ASB15: variants seen among roughly 807,000 people sequenced by gnomAD.
ASB15 encodes ankyrin repeat and SOCS box containing 15.
In ASB15, 54 loss-of-function variants were observed where a neutral mutation model predicts 58.0. That is an observed-to-expected ratio of 0.93 (90% CI 0.75 to 1.17). The LOEUF (loss-of-function observed/expected upper bound fraction) is 1.17. ASB15 is among the 50% of genes most tolerant of loss of function. The pLI is 0.00. For missense variants in ASB15, 680 were observed against 707.4 expected (o/e 0.96, Z 0.44); for synonymous variants, 249 against 262.4 (o/e 0.95, Z 0.50).
intron 11 of ASB15, among the ~76,000 whole-genome samples, chr7:123,636,434 GAGAA>G (rs954884720): frequency 4.6e-5 from 7 of 152,246 alleles, no homozygotes; most frequent in African/African-American, 1.7e-4. Flanking sequence ...AGATTGGTAG[GAGAA>G]AGAAAGTAAA....
upstream of ASB15, among the ~76,000 whole-genome samples, chr7:123,601,238 AT>A (rs932549832): frequency 6.6e-6 from 1 of 152,016 alleles, no homozygotes; most frequent in African/African-American, 2.4e-5. Context: ...AAAAATCCCA[AT>A]TTTTTTGCTT....
chr7:123,587,491 A>G (rs1799408407), intron 1 of ASB15, among the ~76,000 whole-genome samples: 1 of 151,490 alleles, frequency 6.6e-6, no homozygotes, highest in African/African-American at 2.4e-5. Flanking sequence ...TGTCATCTGC[A>G]GAGACAACTT....
At chr7:123,593,457 G>C (rs1435960479) in intron 1 of ASB15, among the ~76,000 whole-genome samples, 1 of 152,166 alleles carries the variant, frequency 6.6e-6, no homozygotes, top group Non-Finnish European at 1.5e-5. Flanking sequence ...GCTCTTGTAA[G>C]GCAGGCCTGG....
intron 7 of ASB15, among the ~76,000 whole-genome samples, chr7:123,623,931 AAAAG>A (rs201240574): frequency 0.15 from 15,565 of 102,898 alleles, 1,354 homozygotes; most frequent in East Asian, 0.16. Context: ...AGAAAGAAAG[AAAAG>A]AAAGAAAGAA....
upstream of ASB15, among the ~76,000 whole-genome samples, chr7:123,599,586 A>T (rs1327489277): frequency 2.0e-5 from 3 of 152,172 alleles, no homozygotes; most frequent in Non-Finnish European, 4.4e-5. Flanking sequence ...AAGCTGCCAC[A>T]TTGCTCCCTG....
In ASB15 at chr7:123,614,591, C is replaced by T. The variant is rs778215866; in HGVS notation, c.89C>T (p.Thr30Ile). The change falls in exon 4 of 12, where the codon ACT becomes ATT. Residue 30 changes from threonine (T) to isoleucine (I), a missense_variant. By Grantham distance (89) the Thr-to-Ile change is moderately conservative (BLOSUM62 -1). Transcript: ENST00000451215. The part of the protein sequence containing the change: ...SIQESIEASK[T>I]ALCPERFVPL... ...CAAGAATCCATTGAAGCCAGCAAGA[C>T]TGCACTTTGTCCTGAAAGGTAGTAT... 1.4e-5 allele frequency: 23 copies of T among 1,604,396 alleles called. No homozygotes were observed. In the East Asian group the frequency reaches 3.6e-4, roughly 25 times the overall value.
chr7:123,616,569 G>A (rs555440998), intron 6 of ASB15, 74 bp downstream of exon 6: 211 of 1,454,924 alleles, frequency 1.5e-4, no homozygotes, highest in Non-Finnish European at 1.8e-4. Context: ...AGTGTTTTCA[G>A]TGAACATAAC....
intron 2 of ASB15, among the ~76,000 whole-genome samples, chr7:123,604,519 T>C (rs1380960279): frequency 2.2e-4 from 33 of 151,932 alleles, no homozygotes. Flanking sequence ...GAGGTGGATG[T>C]TGCAGTGAGC....
At chr7:123,572,176 T>G (rs1798927499) in intron 1 of ASB15, among the ~76,000 whole-genome samples, 1 of 119,312 alleles carries the variant, frequency 8.4e-6, no homozygotes, top group African/African-American at 3.2e-5. Context: ...AGAGTCTCAC[T>G]CTGTCACTAG....
At chr7:123,571,229 A>G (rs1354347958) in intron 1 of ASB15, among the ~76,000 whole-genome samples, 4 of 152,232 alleles carry the variant, frequency 2.6e-5, no homozygotes, top group Non-Finnish European at 4.4e-5. Flanking sequence ...GGAGCACTTT[A>G]TCAAACCTGT....
rs1584831326 is a variant in ASB15, at chr7:123,636,880, C to T, written c.1666C>T (p.Gln556Ter). 6.2e-7 allele frequency: 1 copy of T among 1,606,592 alleles called. No homozygotes were observed. Among genetic ancestry groups the T allele is most frequent in the Non-Finnish European group, 8.5e-7 (1 of 1,173,228 alleles). The change falls in exon 12 of 12, where the codon CAG becomes TAG. Residue 556 changes from glutamine to a stop codon, truncating the protein, a stop_gained. Coordinates refer to ENST00000451215, the MANE Select transcript of ASB15 (RefSeq NM_001290258.2). LOFTEE classifies it high-confidence loss of function. ...GCTTATGGGTCTCCAGAAACTCTGCCAGCCAGCCTCAGTGGAGAAGCTTCC... is the reference window on the plus strand; with the variant it reads ...GCTTATGGGTCTCCAGAAACTCTGCTAGCCAGCCTCAGTGGAGAAGCTTCC... Reference protein sequence around the residue: ...RRLMGLQKLCQPASVEKLPLP... With the variant: ...RRLMGLQKLC
At chr7:123,609,669 G>A (rs1438362804) in intron 3 of ASB15, among the ~76,000 whole-genome samples, 4 of 152,168 alleles carry the variant, frequency 2.6e-5, no homozygotes, top group African/African-American at 4.8e-5. Context: ...CAATACATGA[G>A]GAAGAAAGTT....
chr7:123,593,792 G>A lies in ASB15; in HGVS notation c.-442-10240G>A, dbSNP rs147092323. Among the ~76,000 whole-genome samples the A allele has an allele frequency of 7.8e-3, 1,181 of 152,180 alleles. 19 individuals are homozygous for A. The highest frequency in any genetic ancestry group is 0.027 in the African/African-American group (1,129 of 41,508). ...TCTTCTCGAGGAATAGCTTTGTGGC[G>A]TTCTCTGTATTTCCTGAATTTGAAA... On this transcript the variant is annotated intron_variant, in intron 1 of 13. Coordinates refer to the ASB15 transcript ENST00000451558.
intron 7 of ASB15, chr7:123,621,481 G>T (rs1289008933): frequency 6.6e-6 from 1 of 152,146 alleles, no homozygotes; most frequent in Non-Finnish European, 1.5e-5. Context: ...TCCTCAGTTT[G>T]TTCTTGAATC....
upstream of ASB15, among the ~76,000 whole-genome samples, chr7:123,600,653 C>A (rs1328428367): frequency 6.6e-6 from 1 of 152,128 alleles, no homozygotes; most frequent in Non-Finnish European, 1.5e-5. Context: ...TATTGCAATA[C>A]ACAGTTAATA....
intron 1 of ASB15, among the ~76,000 whole-genome samples, chr7:123,572,540 A>G (rs938745916): frequency 7.3e-5 from 11 of 150,224 alleles, no homozygotes; most frequent in Non-Finnish European, 1.5e-4. Flanking sequence ...AAGTTTACCA[A>G]TCGTAAAGAT....
intron 7 of ASB15, 125 bp downstream of exon 7, chr7:123,617,862 A>AC: frequency 1.1e-6 from 1 of 932,780 alleles, no homozygotes; most frequent in Non-Finnish European, 1.6e-6. Context: ...TACTTGCCTA[A>AC]CCCCCATGTC....
intron 8 of ASB15, among the ~76,000 whole-genome samples, chr7:123,626,700 GA>G (rs1801811651): frequency 6.6e-6 from 1 of 152,066 alleles, no homozygotes; most frequent in Non-Finnish European, 1.5e-5. Context: ...GTACTAACCA[GA>G]AAGGAACACA....
At chr7:123,583,654 C>T (rs1040025036) in intron 1 of ASB15, among the ~76,000 whole-genome samples, 7 of 151,772 alleles carry the variant, frequency 4.6e-5, no homozygotes, top group African/African-American at 1.5e-4. Context: ...AAGATTTTTT[C>T]GGAGAGAAGG....
Sources: allele counts gnomAD v4.1 joint callset (sites outside exome capture counted in the v4.1 genomes callset), GRCh38; gene constraint gnomAD v4.1.1; transcripts MANE v1.5; gene names NCBI Gene and HGNC (gene_info 2026-07-23, HGNC 2026-07-21).